The following SLC24A1 variants were observed in gnomAD, a reference collection of about 807,000 sequenced individuals.
SLC24A1 encodes solute carrier family 24 member 1.
Under a neutral mutation model 88.1 loss-of-function variants are expected in SLC24A1, and 52 were observed. That is an observed-to-expected ratio of 0.59 (90% CI 0.47 to 0.74). SLC24A1 has a LOEUF of 0.74. Among genes scored for constraint, SLC24A1 ranks in the 30% least tolerant of loss-of-function variants. The pLI is 0.00. For missense variants in SLC24A1, 1,173 were observed against 1,363.3 expected (o/e 0.86, Z 2.20); for synonymous variants, 455 against 498.0 (o/e 0.91, Z 1.15).
chr15:65,650,660 T>A lies in SLC24A1; in HGVS notation c.2511T>A (p.Asn837Lys). The change falls in exon 7 of 10, where the codon AAT becomes AAA. Residue 837 changes from asparagine (N) to lysine (K), a missense_variant. Asn to Lys is a moderately conservative substitution (Grantham distance 94). Coordinates refer to ENST00000261892, the MANE Select transcript of SLC24A1 (RefSeq NM_004727.3). The surrounding 1 kb of genome is among the most constrained non-coding windows in gnomAD (Gnocchi z 4.1). ...ETESQELSAE[N>K]HGEAKNDEKG... ...AAAGCCAGGAACTCAGTGCTGAAAA[T>A]CACGGTGAAGCCAAAAATGATGAGA... 6.5e-7 allele frequency: 1 copy of A among 1,546,368 alleles called. No individual in the cohort carries two copies. The highest frequency in any genetic ancestry group is 1.2e-5 in the South Asian group (1 of 83,560).
chr15:65,644,519 AG>A lies in SLC24A1; in HGVS notation c.2140+8del. 1 of 1,567,996 alleles carries A rather than the reference AG, an allele frequency of 6.4e-7. No homozygotes were observed. Among genetic ancestry groups the A allele is most frequent in the South Asian group, 1.2e-5 (1 of 85,152 alleles). ...AGCAGAAAGCAAACCAGAAGGTGAG[AG>A]GATGGCCAGACCAGTGGGTTTTCTC... On this transcript the variant is annotated splice_region_variant and intron_variant, in intron 5 of 9. Coordinates refer to ENST00000261892, the MANE Select transcript of SLC24A1 (RefSeq NM_004727.3).
Position 65,656,109 on chromosome 15 carries a change from C to T in SLC24A1, c.*2030C>T, listed in dbSNP as rs2141754072. 1.0e-6 allele frequency: 1 copy of T among 985,442 alleles called. No individual in the cohort carries two copies. The highest frequency in any genetic ancestry group is 1.7e-5 in the African/African-American group (1 of 57,340). 61.0% of individuals were successfully genotyped at this position (985,442 alleles called of 1,614,324 possible). A position where few individuals can be genotyped will look rare whatever the true frequency, so the allele number is the denominator to read the frequency against. On this transcript the variant is annotated 3_prime_UTR_variant, in exon 10 of 10. Coordinates refer to ENST00000261892, the MANE Select transcript of SLC24A1 (RefSeq NM_004727.3). ...ACTAACCTGGTGTCTGCAGCCCGTT[C>T]CCGTTAGCCTCGGGGATGTCACCTC...
chr15:65,656,545 A>G (rs1253871455), downstream of SLC24A1, among the ~76,000 whole-genome samples: 1 of 152,244 alleles, frequency 6.6e-6, no homozygotes, highest in Non-Finnish European at 1.5e-5. Flanking sequence ...GAGGTAAAGT[A>G]CCATTTAAAA....
rs765076828 is a variant in SLC24A1, at chr15:65,625,153, A to T, written c.1073A>T (p.Lys358Ile). ...CCCAGGACCAGTGTATCAGCCATCAAAACAGCCCCAGCCATAGTCTGGAGG... is the reference window on the plus strand; with the variant it reads ...CCCAGGACCAGTGTATCAGCCATCATAACAGCCCCAGCCATAGTCTGGAGG... ...PSPRTSVSAI[K>I]TAPAIVWRLA... The change falls in exon 2 of 10, where the codon AAA becomes ATA. Residue 358 changes from lysine to isoleucine, a missense_variant. Lys to Ile is a moderately radical substitution (Grantham distance 102, BLOSUM62 -3). Coordinates refer to ENST00000261892, the MANE Select transcript of SLC24A1 (RefSeq NM_004727.3). The T allele has an allele frequency of 6.2e-7, 1 of 1,613,708 alleles. No individual in the cohort carries two copies. The highest frequency in any genetic ancestry group is 1.3e-5 in the African/African-American group (1 of 74,924).
chr15:65,622,179 C>G (rs138141552), intron 1 of SLC24A1, 87 bp downstream of exon 1: 10 of 152,256 alleles, frequency 6.6e-5, no homozygotes, highest in African/African-American at 2.2e-4. Flanking sequence ...AAGAGAGAGA[C>G]CCTCTGAAAT....
At chr15:65,653,319 A>T (rs1263756594) in intron 9 of SLC24A1, among the ~76,000 whole-genome samples, 2 of 152,160 alleles carry the variant, frequency 1.3e-5, no homozygotes, top group Non-Finnish European at 2.9e-5. Context: ...CATGTTCTGA[A>T]TTTGGGTGGT....
At chr15:65,638,305 G>C in intron 3 of SLC24A1, 124 bp downstream of exon 3, 5 of 701,788 alleles carry the variant, frequency 7.1e-6, no homozygotes, top group Non-Finnish European at 1.3e-5. Context: ...GAAACTCCTG[G>C]GAGCGCTGCC....
chr15:65,634,006 T>A (rs1483684266), intron 2 of SLC24A1, among the ~76,000 whole-genome samples: 1 of 152,032 alleles, frequency 6.6e-6, no homozygotes. Context: ...AGGAAAGAGG[T>A]CTGACAGCTA....
At position 65,623,993 on chromosome 15, in the gene SLC24A1, C is replaced by T; in HGVS notation, c.-88C>T. 1 of 1,267,412 alleles carries T rather than the reference C, an allele frequency of 7.9e-7. No homozygotes were observed. The highest frequency in any genetic ancestry group is 1.1e-6 in the Non-Finnish European group (1 of 912,146). 78.5% of individuals were successfully genotyped at this position (1,267,412 alleles called of 1,614,324 possible). On this transcript the variant is annotated 5_prime_UTR_variant, in exon 2 of 10. Coordinates refer to ENST00000261892, the MANE Select transcript of SLC24A1 (RefSeq NM_004727.3). ...CCCTGGCTGGGCTTCATGGAGAAAT[C>T]TTCTCTGATCACCAACCTGAATCCC...
intron 6 of SLC24A1, among the ~76,000 whole-genome samples, chr15:65,648,031 C>T (rs1421685193): frequency 2.6e-5 from 4 of 152,098 alleles, no homozygotes; most frequent in East Asian, 1.9e-4. Flanking sequence ...GAGGCCGAGG[C>T]GGGCGGATCA....
At chr15:65,653,307 A>G (rs1566967863) in intron 9 of SLC24A1, among the ~76,000 whole-genome samples, 1 of 152,194 alleles carries the variant, frequency 6.6e-6, no homozygotes, top group Non-Finnish European at 1.5e-5. Context: ...CATTTCCCCA[A>G]TCATGTTCTG....
chr15:65,636,732 C>T (rs968586217), intron 2 of SLC24A1, among the ~76,000 whole-genome samples: 6 of 151,800 alleles, frequency 4.0e-5, no homozygotes, highest in Non-Finnish European at 8.8e-5. Flanking sequence ...AAAATTTAGC[C>T]GGATATGGTG....
At chr15:65,651,299 A>G (rs1176095533) in intron 7 of SLC24A1, among the ~76,000 whole-genome samples, 1 of 152,218 alleles carries the variant, frequency 6.6e-6, no homozygotes, top group Non-Finnish European at 1.5e-5. Context: ...GGAAATCACT[A>G]GTATTTATAC....
intron 4 of SLC24A1, among the ~76,000 whole-genome samples, chr15:65,640,425 C>T (rs968015851): frequency 1.1e-4 from 16 of 152,218 alleles, no homozygotes; most frequent in African/African-American, 3.9e-4. Context: ...CCCCAGAGAG[C>T]TGCCCCCAAC....
intron 2 of SLC24A1, among the ~76,000 whole-genome samples, chr15:65,628,171 C>A (rs2074583382): frequency 6.6e-6 from 1 of 152,160 alleles, no homozygotes; most frequent in Non-Finnish European, 1.5e-5. Context: ...GTTGCCCAGG[C>A]TGGTCTCAAA....
At chr15:65,623,781 G>A (rs2074401745) in intron 1 of SLC24A1, among the ~76,000 whole-genome samples, 174 bp from the exon 2 acceptor site, 1 of 152,162 alleles carries the variant, frequency 6.6e-6, no homozygotes, top group Non-Finnish European at 1.5e-5. Context: ...TTTCTCTTAA[G>A]AGTAGGCATT....
At position 65,652,805 on chromosome 15, in the gene SLC24A1, T is replaced by G; in HGVS notation, c.3047T>G (p.Val1016Gly). 6.3e-7 allele frequency: 1 copy of G among 1,595,634 alleles called. No individual in the cohort carries two copies. The highest frequency in any genetic ancestry group is 8.6e-7 in the Non-Finnish European group (1 of 1,166,558). ...GGCAGTAACATATTTGATATCACTG[T>G]GGGGTGAGTGGCAATGTAACTTTCT... ...SVGSNIFDIT[V>G]GLPVPWLLFS... The change falls in exon 9 of 10, where the codon GTG becomes GGG. Residue 1016 changes from valine (V) to glycine (G), a missense_variant. Transcript: ENST00000261892.
chr15:65,628,231 T>C (rs540091206), intron 2 of SLC24A1, among the ~76,000 whole-genome samples: 146 of 152,312 alleles, frequency 9.6e-4, no homozygotes, highest in Non-Finnish European at 1.7e-3. Flanking sequence ...ACTGCTGAAG[T>C]TACAGTCATG....
intron 4 of SLC24A1, among the ~76,000 whole-genome samples, chr15:65,640,474 C>T (rs957780912): frequency 6.6e-6 from 1 of 152,196 alleles, no homozygotes; most frequent in Non-Finnish European, 1.5e-5. Flanking sequence ...CTCAGCTACT[C>T]TCCTGCTCTC....
Sources: gnomAD v4.1 joint callset for allele counts (sites outside exome capture counted in the v4.1 genomes callset) on GRCh38, gnomAD v4.1.1 for gene constraint, Gnocchi (gnomAD v3.1) non-coding constraint, MANE v1.5 for transcripts, NCBI Gene and HGNC (gene_info 2026-07-23, HGNC 2026-07-21) for gene names.